The following WDR4 variants were observed in gnomAD, a reference collection of about 807,000 sequenced individuals.
WDR4 encodes WDR4 tRNA N7-guanosine methyltransferase non-catalytic subunit.
In WDR4, 47 loss-of-function variants were observed where a neutral mutation model predicts 48.6. The observed-to-expected ratio is 0.97, with a 90% CI of 0.77 to 1.23. The LOEUF is 1.23. Ranked by LOEUF, WDR4 falls within the 50% of genes most tolerant of loss-of-function variation. WDR4 has a pLI of 0.00. For missense variants in WDR4, 606 were observed against 551.6 expected (o/e 1.10, Z -0.99); for synonymous variants, 268 against 230.0 (o/e 1.17, Z -1.49).
downstream of WDR4, among the ~76,000 whole-genome samples, chr21:42,845,140 A>C (rs892471730): frequency 6.6e-6 from 1 of 152,234 alleles, no homozygotes; most frequent in Non-Finnish European, 1.5e-5. Context: ...TCACCCTCCC[A>C]CTATGAAGCA....
intron 3 of WDR4, among the ~76,000 whole-genome samples, chr21:42,867,480 T>G (rs1254965516): frequency 6.6e-6 from 1 of 151,926 alleles, no homozygotes; most frequent in Non-Finnish European, 1.5e-5. Context: ...TGCTGCAGGC[T>G]GCCCATCCCT....
chr21:42,869,594 GTAAAAC>G (rs2058322866), intron 3 of WDR4, among the ~76,000 whole-genome samples: 1 of 151,852 alleles, frequency 6.6e-6, no homozygotes, highest in Non-Finnish European at 1.5e-5. Flanking sequence ...GGCTTATTTT[GTAAAAC>G]TAAAGTGTCC....
intron 3 of WDR4, among the ~76,000 whole-genome samples, chr21:42,872,574 G>C (rs998561807): frequency 6.8e-6 from 1 of 146,952 alleles, no homozygotes; most frequent in Admixed American, 6.9e-5. Flanking sequence ...TCACACCACC[G>C]CACTCCAGCC....
At chr21:42,885,180 G>A in the WDR4 span, among the ~76,000 whole-genome samples, 98 of 152,262 alleles carry the variant, frequency 6.4e-4, 1 homozygote, top group African/African-American at 2.2e-3. Context: ...AATCACCCTA[G>A]CAGCGTATTA....
the WDR4 span, among the ~76,000 whole-genome samples, chr21:42,888,295 A>C: frequency 6.6e-6 from 1 of 152,176 alleles, no homozygotes; most frequent in African/African-American, 2.4e-5. Context: ...ACAGTGGCTC[A>C]CCCCTGTAAT....
downstream of WDR4, among the ~76,000 whole-genome samples, chr21:42,848,229 G>A (rs554829725): frequency 8.5e-5 from 13 of 152,276 alleles, no homozygotes; most frequent in Admixed American, 5.9e-4. Flanking sequence ...GGTAGGAGCC[G>A]GCCTGAACGA....
At chr21:42,844,253 T>C (rs1469765912), downstream of WDR4, among the ~76,000 whole-genome samples, 2 of 152,040 alleles carry the variant, frequency 1.3e-5, no homozygotes, top group Non-Finnish European at 2.9e-5. Context: ...TATTTCCAAA[T>C]TGCATAAAAA....
chr21:42,879,559 T>A (rs1229363410), upstream of WDR4: 14 of 1,580,146 alleles, frequency 8.9e-6, no homozygotes, highest in Non-Finnish European at 1.2e-5. Flanking sequence ...TCCGCACCGG[T>A]CGGTGACGCC....
chr21:42,873,785 A>C, intron 2 of WDR4, 94 bp from the exon 3 acceptor site: 2 of 1,475,316 alleles, frequency 1.4e-6, no homozygotes, highest in East Asian at 2.3e-5. Context: ...ACATGGGAGG[A>C]GGTAGAAACT....
At chr21:42,873,920 C>T (rs2058430928) in intron 2 of WDR4, among the ~76,000 whole-genome samples, 2 of 152,144 alleles carry the variant, frequency 1.3e-5, no homozygotes, top group African/African-American at 4.8e-5. Context: ...CATGCCAGAA[C>T]CCAGAGAGCT....
At chr21:42,854,683 C>T (rs746822433) in intron 7 of WDR4, 57 bp from the exon 8 acceptor site, 43 of 1,556,014 alleles carry the variant, frequency 2.8e-5, no homozygotes, top group East Asian at 1.6e-4. Flanking sequence ...CGACGCCGGG[C>T]GCTCTGATCC....
intron 3 of WDR4, among the ~76,000 whole-genome samples, 155 bp from the exon 4 acceptor site, chr21:42,863,751 C>T (rs1255098588): frequency 6.6e-6 from 1 of 151,956 alleles, no homozygotes; most frequent in Non-Finnish European, 1.5e-5. Flanking sequence ...TTAAGCAATG[C>T]TAACAACTGG....
the WDR4 span, among the ~76,000 whole-genome samples, chr21:42,892,231 G>C: frequency 6.7e-6 from 1 of 149,794 alleles, no homozygotes; most frequent in East Asian, 1.9e-4. Context: ...GCCAGCCTGG[G>C]CTACAGAGCA....
At chr21:42,867,393 C>CAA (rs1209418380) in intron 3 of WDR4, among the ~76,000 whole-genome samples, 16 of 133,504 alleles carry the variant, frequency 1.2e-4, no homozygotes, top group Non-Finnish European at 1.8e-4. Flanking sequence ...TCCGCTCCAC[C>CAA]AAAAAAAAAA....
chr21:42,850,073 C>T lies in WDR4; in HGVS notation c.1215G>A (p.Pro405=), dbSNP rs766194496. 2.8e-5 allele frequency: 45 copies of T among 1,613,966 alleles called. No homozygotes were observed. In the South Asian group the frequency reaches 4.1e-4, roughly 15 times the overall value. The change falls in exon 11 of 11, where the codon CCG becomes CCA. Residue 405 remains proline, a synonymous_variant. Transcript: ENST00000398208. The part of the protein sequence containing the change: ...GPDGHAKKMR[P]GEATLSC ...ATCAGCAACTTAGCGTCGCCTCCCCCGGTCTCATCTTCTTGGCATGCCCGT... is the reference window on the plus strand; with the variant it reads ...ATCAGCAACTTAGCGTCGCCTCCCCTGGTCTCATCTTCTTGGCATGCCCGT...
intron 9 of WDR4, 81 bp downstream of exon 9, chr21:42,853,488 C>CA: frequency 6.8e-7 from 1 of 1,473,106 alleles, no homozygotes; most frequent in Non-Finnish European, 9.1e-7. Flanking sequence ...CCCATGGACC[C>CA]AAAAAACATA....
At chr21:42,844,320 T>G (rs2145976028), downstream of WDR4, among the ~76,000 whole-genome samples, 1 of 152,124 alleles carries the variant, frequency 6.6e-6, no homozygotes, top group Middle Eastern at 3.4e-3. Context: ...ACCCTAAAGC[T>G]TATCAAATTA....
chr21:42,875,974 C>A (rs1359599028), intron 2 of WDR4, among the ~76,000 whole-genome samples: 1 of 125,804 alleles, frequency 7.9e-6, no homozygotes. Flanking sequence ...TTGGAGAGTG[C>A]GGTGGCGCAA....
intron 3 of WDR4, among the ~76,000 whole-genome samples, chr21:42,870,402 T>C (rs999670397): frequency 6.6e-6 from 1 of 152,028 alleles, no homozygotes; most frequent in Non-Finnish European, 1.5e-5. Flanking sequence ...CCAGATGAAA[T>C]GAATCACAAA....
Sources: allele counts gnomAD v4.1 joint callset (sites outside exome capture counted in the v4.1 genomes callset), GRCh38; gene constraint gnomAD v4.1.1; transcripts MANE v1.5; gene names NCBI Gene and HGNC (gene_info 2026-07-23, HGNC 2026-07-21).